ADD2: variants seen among roughly 807,000 people sequenced by gnomAD.
The protein encoded by ADD2 is adducin 2, also known as beta-adducin.
ADD2 carries 23 observed loss-of-function variants against 83.0 expected under a neutral mutation model. The ratio of observed to expected loss-of-function variants is 0.28; its 90% CI spans 0.20 to 0.39. The LOEUF (loss-of-function observed/expected upper bound fraction) is 0.39, where lower values mean the gene tolerates loss of function less well. Among genes scored for constraint, ADD2 ranks in the 10% least tolerant of loss-of-function variants. The probability of loss-of-function intolerance (pLI) is 1.00; values close to 1 mark genes in which losing one functional copy is unlikely to be tolerated. For synonymous variants in ADD2, 375 were observed against 375.4 expected (o/e 1.00, Z 0.01); for missense variants, 758 against 944.9 (o/e 0.80, Z 2.59).
At chr2:70,737,028 C>A (rs1673604207) in intron 1 of ADD2, among the ~76,000 whole-genome samples, 1 of 152,020 alleles carries the variant, frequency 6.6e-6, no homozygotes, top group African/African-American at 2.4e-5. Context: ...CAATGAGATA[C>A]CATCTCACAC....
chr2:70,676,626 C>T lies in ADD2; in HGVS notation c.1593+170G>A. ...ATCAGACATTGTCCTCCCTGGTCCT[C>T]ACAGCACCCCTGTGAGGTTGGCCTC... is the stretch of plus-strand genomic sequence containing the variant. On this transcript the variant is annotated intron_variant, in intron 13 of 15. Coordinates refer to ENST00000264436, the MANE Select transcript of ADD2 (RefSeq NM_001617.4). This position sits in a 1 kb window ranked among gnomAD's most constrained non-coding sequence, Gnocchi z 4.8. 1 of 1,463,432 alleles carries T rather than the reference C, an allele frequency of 6.8e-7. No homozygotes were observed. Among genetic ancestry groups the T allele is most frequent in the Non-Finnish European group, 9.1e-7 (1 of 1,100,486 alleles). The allele number at this position is 1,463,432 out of a possible 1,614,324, so 90.7% of individuals were successfully genotyped here.
intron 1 of ADD2, among the ~76,000 whole-genome samples, chr2:70,761,234 T>TG (rs1345609243): frequency 2.0e-5 from 3 of 151,876 alleles, no homozygotes; most frequent in Non-Finnish European, 4.4e-5. Flanking sequence ...TTACTTTTTT[T>TG]TTTTTTTAAA....
At chr2:70,683,897 C>T in intron 9 of ADD2, 130 bp from the exon 10 acceptor site, 6 of 1,001,208 alleles carry the variant, frequency 6.0e-6, no homozygotes, top group Non-Finnish European at 8.3e-6. Flanking sequence ...GAAAGAGCCA[C>T]CCATACTTGA....
intron 1 of ADD2, among the ~76,000 whole-genome samples, chr2:70,747,250 T>C (rs1049648327): frequency 4.6e-5 from 7 of 152,054 alleles, no homozygotes; most frequent in African/African-American, 1.4e-4. Context: ...GACCTCAAGA[T>C]CCACCTGTCT....
chr2:70,722,915 A>G (rs1276199620), intron 1 of ADD2, among the ~76,000 whole-genome samples: 1 of 152,218 alleles, frequency 6.6e-6, no homozygotes, highest in Non-Finnish European at 1.5e-5. Flanking sequence ...GATCAATGCT[A>G]GTTCCCATCC....
chr2:70,706,389 G>C lies in ADD2; in HGVS notation c.20C>G (p.Pro7Arg). 2.5e-6 allele frequency: 4 copies of C among 1,609,136 alleles called. No individual in the cohort carries two copies. The highest frequency in any genetic ancestry group is 3.4e-6 in the Non-Finnish European group (4 of 1,177,860). Residue 7 changes from proline to arginine, a missense_variant, in exon 3 of 16, where the codon CCC (proline) becomes CGC (arginine). This residue lies in a region of ADD2 where 175 missense variants were observed against 192.1 expected (regional missense o/e 0.91). Coordinates refer to ENST00000264436, the MANE Select transcript of ADD2 (RefSeq NM_001617.4). The surrounding 1 kb of genome is among the most constrained non-coding windows in gnomAD (Gnocchi z 5.0). Reference protein sequence around the residue: MSEETVPEAASPPPPQG... With the variant: MSEETVREAASPPPPQG... Reference sequence around the variant, plus strand: ...CGGGGGCGGCGGCGAGGCAGCCTCGGGGACCGTCTCTTCGCTCATTTTCCC... The same window carrying C: ...CGGGGGCGGCGGCGAGGCAGCCTCGCGGACCGTCTCTTCGCTCATTTTCCC...
At chr2:70,752,697 A>G (rs1178495708) in intron 1 of ADD2, among the ~76,000 whole-genome samples, 1 of 152,210 alleles carries the variant, frequency 6.6e-6, no homozygotes, top group Non-Finnish European at 1.5e-5. Context: ...AGAAATCAAG[A>G]GCTCTAAGAG....
chr2:70,672,562 C>T lies in ADD2; in HGVS notation c.1870+316G>A, dbSNP rs377087925. On this transcript the variant is annotated intron_variant, in intron 15 of 15. Transcript: ENST00000264436. ...AAGATCCCCAGGTGGTACCTATACA[C>T]GTTAAGGTCTGAGAAAGGGGCTAGT... Among the ~76,000 whole-genome samples the T allele has an allele frequency of 5.7e-4, 87 of 152,300 alleles. No homozygotes were observed. In the East Asian group the frequency reaches 6.6e-3, roughly 11 times the overall value.
intron 1 of ADD2, among the ~76,000 whole-genome samples, chr2:70,734,517 G>A (rs1673428927): frequency 6.6e-6 from 1 of 152,164 alleles, no homozygotes; most frequent in South Asian, 2.1e-4. Context: ...AGGGGAGTTA[G>A]GGGTAGCACA....
rs781832361 is a variant in ADD2 at position 70,677,803 on chromosome 2, C to T, written c.1458G>A (p.Val486=). The T allele has an allele frequency of 1.9e-6, 3 of 1,614,072 alleles. No homozygotes were observed. Among genetic ancestry groups the T allele is most frequent in the Non-Finnish European group, 2.5e-6 (3 of 1,180,048 alleles). ...CTTCCTGGGGGTCAGTATAGAGAGG[C>T]ACAAATTGGTTTGGGTTTTCGATGC... ...PIRIENPNQF[V]PLYTDPQEVL... is the part of the protein sequence containing the mutation. Residue 486 remains valine, a synonymous_variant, in exon 12 of 16, where the codon GTG becomes GTA. Coordinates refer to ENST00000264436, the MANE Select transcript of ADD2 (RefSeq NM_001617.4).
chr2:70,720,468 G>A (rs550784395), intron 1 of ADD2, among the ~76,000 whole-genome samples: 12 of 152,244 alleles, frequency 7.9e-5, no homozygotes, highest in African/African-American at 2.2e-4. Context: ...GATGTTGTTC[G>A]ACTGTCCACT....
chr2:70,696,171 G>A lies in ADD2; in HGVS notation c.474+74C>T, dbSNP rs1386345942. The A allele has an allele frequency of 2.6e-6, 4 of 1,549,334 alleles. No individual in the cohort carries two copies. The African/African-American group carries it at 4.1e-5, about 16-fold the overall frequency. On this transcript the variant is annotated intron_variant, in intron 5 of 15. Transcript: ENST00000264436. The stretch of plus-strand genomic sequence containing the variant: ...CCAGCAGTGCCATGGCCATGCCAAG[G>A]GTCAGGAGTTCTCCCTTTGGGTTTT...
At chr2:70,695,936 C>A (rs563021418) in intron 5 of ADD2, 135 bp from the exon 6 acceptor site, 11 of 759,078 alleles carry the variant, frequency 1.4e-5, no homozygotes, top group African/African-American at 3.5e-5. Flanking sequence ...CTCTCCCCCC[C>A]AGCCATAAGA....
chr2:70,670,113 T>C (rs77028469), intron 15 of ADD2, among the ~76,000 whole-genome samples: 3,810 of 152,358 alleles, frequency 0.025, 64 homozygotes, highest in Non-Finnish European at 0.042. Context: ...TAGTTCTTAT[T>C]CTATACCATG....
In ADD2 at chr2:70,768,103, C is replaced by G; in HGVS notation, c.-371G>C. 1 of 827,830 alleles carries G rather than the reference C, an allele frequency of 1.2e-6. No homozygotes were observed. The highest frequency in any genetic ancestry group is 1.8e-6 in the Non-Finnish European group (1 of 542,910). The allele number at this position is 827,830 out of a possible 1,614,324, so 51.3% of individuals were successfully genotyped here. ...GGCGGGGATGACTGGCCACCGACGC[C>G]GCAGTTCCTTGACAAAAGGCTCGGG... is the stretch of plus-strand genomic sequence containing the variant. On this transcript the variant is annotated 5_prime_UTR_variant, in exon 1 of 16. Transcript: ENST00000264436.
In ADD2 at chr2:70,706,207, C is replaced by T; in HGVS notation, c.183+19G>A. The T allele has an allele frequency of 4.3e-6, 7 of 1,610,728 alleles. No individual in the cohort carries two copies. In the South Asian group the frequency reaches 7.7e-5, roughly 18 times the overall value. On this transcript the variant is annotated intron_variant, in intron 3 of 15. Coordinates refer to ENST00000264436, the MANE Select transcript of ADD2 (RefSeq NM_001617.4). This position sits in a 1 kb window ranked among gnomAD's most constrained non-coding sequence, Gnocchi z 5.0. ...CAGCGCCCCCTGCGCCCTCTCCCGC[C>T]CGGGTCAGCCCCACTCACGGGACTC...
intron 1 of ADD2, among the ~76,000 whole-genome samples, chr2:70,766,391 G>C (rs1413520381): frequency 6.6e-6 from 1 of 152,174 alleles, no homozygotes; most frequent in Non-Finnish European, 1.5e-5. Flanking sequence ...CACAATTAAA[G>C]TAGAACCTTA....
chr2:70,727,623 G>A (rs532225394), intron 1 of ADD2, among the ~76,000 whole-genome samples: 3 of 152,050 alleles, frequency 2.0e-5, no homozygotes, highest in African/African-American at 4.8e-5. Context: ...GGCCAGGCGC[G>A]GTGGCTCATG....
chr2:70,744,772 G>C (rs1224541887), intron 1 of ADD2, among the ~76,000 whole-genome samples: 1 of 152,198 alleles, frequency 6.6e-6, no homozygotes, highest in Non-Finnish European at 1.5e-5. Context: ...TGGGTCACTA[G>C]TGGGCGTGTG....
Sources: allele counts gnomAD v4.1 joint callset (sites outside exome capture counted in the v4.1 genomes callset), GRCh38; gene constraint gnomAD v4.1.1; regional missense constraint gnomAD v4.1.1; non-coding constraint Gnocchi (gnomAD v3.1); transcripts MANE v1.5; gene names NCBI Gene and HGNC (gene_info 2026-07-23, HGNC 2026-07-21).